The following CSMD3 variants were observed in gnomAD, a reference collection of about 807,000 sequenced individuals.
CSMD3 encodes CUB and sushi domain-containing protein 3.
Under a neutral mutation model 435.2 loss-of-function variants are expected in CSMD3, and 177 were observed. The ratio of observed to expected loss-of-function variants is 0.41; its 90% CI spans 0.36 to 0.46. CSMD3 has a LOEUF of 0.46. CSMD3 is among the 20% of genes least tolerant of loss of function. CSMD3 has a pLI of 0.34. For missense variants in CSMD3, 4,265 were observed against 4,504.6 expected, an observed-to-expected ratio of 0.95 and a Z score of 1.52; for synonymous variants, 1,656 against 1,520.5, an observed-to-expected ratio of 1.09 and a Z score of -2.07.
intron 26 of CSMD3, 68 bp downstream of exon 26, chr8:112,552,526 A>T: frequency 6.8e-7 from 1 of 1,461,562 alleles, no homozygotes; most frequent in Non-Finnish European, 9.4e-7. Context: ...ATGGATATTA[A>T]TTTTATATAG....
chr8:112,899,393 C>T lies in CSMD3; in HGVS notation c.1633+22234G>A, dbSNP rs150892524. On this transcript the variant is annotated intron_variant, in intron 10 of 70. Transcript: ENST00000297405. The stretch of plus-strand genomic sequence containing the variant: ...TTTGAAAAAATAATAATCAGATTGG[C>T]CTAAAATATGTGCATATAGGCACAT... Among the ~76,000 whole-genome samples the T allele has an allele frequency of 1.5e-4, 23 of 149,736 alleles. No individual in the cohort carries two copies. The East Asian group carries it at 4.2e-3, about 27-fold the overall frequency.
chr8:112,958,027 G>A (rs559689501), intron 7 of CSMD3, among the ~76,000 whole-genome samples: 1 of 152,184 alleles, frequency 6.6e-6, no homozygotes, highest in Non-Finnish European at 1.5e-5. Flanking sequence ...GTATTTGTAT[G>A]AGTGTATGAA....
At chr8:112,936,234 TC>T (rs2083277780) in intron 9 of CSMD3, among the ~76,000 whole-genome samples, 1 of 152,042 alleles carries the variant, frequency 6.6e-6, no homozygotes, top group Non-Finnish European at 1.5e-5. Flanking sequence ...CAAAATATTC[TC>T]ATTACTTGGA....
At chr8:112,838,765 G>C (rs767329213) in intron 11 of CSMD3, among the ~76,000 whole-genome samples, 2 of 151,664 alleles carry the variant, frequency 1.3e-5, no homozygotes, top group Non-Finnish European at 3.0e-5. Flanking sequence ...TGTATTATAA[G>C]TGACATACAT....
At chr8:112,459,219 G>A (rs1215873629) in intron 32 of CSMD3, among the ~76,000 whole-genome samples, 1 of 151,872 alleles carries the variant, frequency 6.6e-6, no homozygotes, top group African/African-American at 2.4e-5. Flanking sequence ...TCAGCATACT[G>A]CAGTTTTCAC....
intron 5 of CSMD3, among the ~76,000 whole-genome samples, chr8:113,027,099 T>C (rs181589496): frequency 1.1e-4 from 16 of 152,278 alleles, no homozygotes; most frequent in Admixed American, 2.0e-4. Flanking sequence ...AATTACACTG[T>C]CCAATAATTA....
chr8:112,472,300 A>C (rs1282504671), intron 32 of CSMD3, among the ~76,000 whole-genome samples: 1 of 152,170 alleles, frequency 6.6e-6, no homozygotes, highest in Non-Finnish European at 1.5e-5. Flanking sequence ...CATTTTATAA[A>C]ATTCCAATAT....
chr8:112,935,979 GCCTT>G (rs2083270586), intron 9 of CSMD3, among the ~76,000 whole-genome samples: 1 of 152,014 alleles, frequency 6.6e-6, no homozygotes, highest in Non-Finnish European at 1.5e-5. Flanking sequence ...TTTAGAATAT[GCCTT>G]GGAATAAAAT....
intron 32 of CSMD3, among the ~76,000 whole-genome samples, chr8:112,414,591 G>A (rs1811707610): frequency 6.6e-6 from 1 of 152,164 alleles, no homozygotes; most frequent in African/African-American, 2.4e-5. Flanking sequence ...ACCAGGAGTG[G>A]GGTGCTGCTA....
At chr8:112,361,347 G>A (rs537643615) in intron 38 of CSMD3, among the ~76,000 whole-genome samples, 2 of 151,638 alleles carry the variant, frequency 1.3e-5, no homozygotes, top group East Asian at 3.9e-4. Context: ...AGTTATGTCT[G>A]TCTGCTGTCA....
At chr8:112,981,007 C>G (rs2085031030) in intron 6 of CSMD3, among the ~76,000 whole-genome samples, 2 of 151,286 alleles carry the variant, frequency 1.3e-5, no homozygotes, top group African/African-American at 4.8e-5. Flanking sequence ...AAATATCTTT[C>G]TGACTAGGAG....
At chr8:113,436,555 C>T in intron 1 of CSMD3, 122 bp downstream of exon 1, 1 of 923,720 alleles carries the variant, frequency 1.1e-6, no homozygotes, top group Non-Finnish European at 1.7e-6. Flanking sequence ...TGTGAATCAA[C>T]TCCTTTAGTA....
intron 4 of CSMD3, among the ~76,000 whole-genome samples, chr8:113,154,080 CT>C (rs2091886764): frequency 6.6e-6 from 1 of 151,858 alleles, no homozygotes; most frequent in Non-Finnish European, 1.5e-5. Flanking sequence ...CTGTATAGTT[CT>C]TTTTTATTTG....
In CSMD3 at chr8:112,685,192, T is replaced by A. The variant is rs117397410; in HGVS notation, c.2482+214A>T. Among the ~76,000 whole-genome samples, 609 of 152,240 alleles carry A rather than the reference T, an allele frequency of 4.0e-3. 14 individuals carry two copies. In the East Asian group the frequency reaches 0.074, roughly 18 times the overall value. ...TATTTGAAACATATTTCCTTGATAT[T>A]GGGCCTCTCACAAAAAAGGAAATGT... is the stretch of plus-strand genomic sequence containing the variant. On this transcript the variant is annotated intron_variant, in intron 15 of 70. Transcript: ENST00000297405.
chr8:113,023,627 T>C (rs1256475472), intron 5 of CSMD3, among the ~76,000 whole-genome samples: 2 of 152,144 alleles, frequency 1.3e-5, no homozygotes, highest in African/African-American at 4.8e-5. Context: ...ATACTTCGCT[T>C]TGAGGCTGAA....
chr8:112,472,715 A>T lies in CSMD3; in HGVS notation c.5279-8T>A. The stretch of plus-strand genomic sequence containing the variant: ...AACGACTTCCACAGGGCGCTAGGAA[A>T]AAATGGCAAAAATATCATTTTTAGA... On this transcript the variant is annotated splice_region_variant and splice_polypyrimidine_tract_variant and intron_variant, in intron 31 of 70. Coordinates refer to ENST00000297405, the MANE Select transcript of CSMD3 (RefSeq NM_198123.2). 6.9e-7 allele frequency: 1 copy of T among 1,454,502 alleles called. No individual in the cohort carries two copies. The allele number at this position is 1,454,502 out of a possible 1,614,324, so 90.1% of individuals were successfully genotyped here. A position where few individuals can be genotyped will look rare whatever the true frequency, so the allele number is the denominator to read the frequency against.
chr8:112,517,502 T>C (rs988068269), intron 27 of CSMD3, among the ~76,000 whole-genome samples: 6 of 151,922 alleles, frequency 3.9e-5, no homozygotes, highest in Non-Finnish European at 5.9e-5. Context: ...ACTGGGAAAA[T>C]ATATTTGTTA....
intron 60 of CSMD3, among the ~76,000 whole-genome samples, chr8:112,264,501 CAT>C (rs1436743633): frequency 3.3e-5 from 5 of 152,106 alleles, no homozygotes; most frequent in Admixed American, 6.5e-5. Context: ...GAACTAAAAA[CAT>C]ATCTGAATAG....
rs566013244 is a variant in CSMD3, at chr8:113,257,864, G to C, written c.514+20728C>G. On this transcript the variant is annotated intron_variant, in intron 3 of 70. Transcript: ENST00000297405. ...AACATGAGTCTTTATAAACATACTG[G>C]AATTTGAAAAAAATAACACACTAAG... Among the ~76,000 whole-genome samples the C allele has an allele frequency of 2.6e-5, 4 of 151,790 alleles. No individual in the cohort carries two copies. The South Asian group carries it at 8.3e-4, about 32-fold the overall frequency.
Sources: allele counts gnomAD v4.1 joint callset (sites outside exome capture counted in the v4.1 genomes callset), GRCh38; gene constraint gnomAD v4.1.1; transcripts MANE v1.5; gene names NCBI Gene and HGNC (gene_info 2026-07-23, HGNC 2026-07-21).